Variants in PPP1R9B observed in about 807,000 individuals in gnomAD.
PPP1R9B encodes the protein protein phosphatase 1 regulatory subunit 9B.
PPP1R9B carries 17 observed loss-of-function variants against 75.8 expected under a neutral mutation model. The ratio of observed to expected loss-of-function variants is 0.22; its 90% CI spans 0.15 to 0.34. The LOEUF (loss-of-function observed/expected upper bound fraction) is 0.34, where lower values mean the gene tolerates loss of function less well. PPP1R9B is among the 10% of genes least tolerant of loss of function. The pLI, the probability that PPP1R9B is intolerant of heterozygous loss-of-function variation, is 1.00. For synonymous variants in PPP1R9B, 509 were observed against 535.4 expected (o/e 0.95, Z 0.68); for missense variants, 875 against 1,196.0 (o/e 0.73, Z 3.96).
chr17:50,149,860 G>A lies in PPP1R9B; in HGVS notation c.654C>T (p.Ala218=). The A allele has an allele frequency of 1.3e-6, 2 of 1,490,860 alleles. No individual in the cohort carries two copies. Among genetic ancestry groups the A allele is most frequent in the Non-Finnish European group, 8.9e-7 (1 of 1,126,380 alleles). The allele number at this position is 1,490,860 out of a possible 1,614,324, so 92.4% of individuals were successfully genotyped here. A position where few individuals can be genotyped will look rare whatever the true frequency, so the allele number is the denominator to read the frequency against. ...CGCGGTGGAGGCCGGTCCTCGAGTC[G>A]GCCTTCTCGAAGACGGCGCTGAGCT... ...VSQLSAVFEK[A]DSRTGLHRGP... is the part of the protein sequence containing the mutation. Residue 218 remains alanine, a synonymous_variant, in exon 1 of 10, where the codon GCC becomes GCT. Transcript: ENST00000612501. This position sits in a 1 kb window ranked among gnomAD's most constrained non-coding sequence, Gnocchi z 7.2.
intron 4 of PPP1R9B, among the ~76,000 whole-genome samples, 187 bp downstream of exon 4, chr17:50,141,082 G>A (rs1468700714): frequency 2.0e-5 from 3 of 152,166 alleles, no homozygotes; most frequent in African/African-American, 4.8e-5. Context: ...TGTTGCCAGG[G>A]AGCTGGGATG....
At position 50,149,929 on chromosome 17, in the gene PPP1R9B, C is replaced by T; in HGVS notation, c.585G>A (p.Ala195=). 1 of 1,511,342 alleles carries T rather than the reference C, an allele frequency of 6.6e-7. No homozygotes were observed. The highest frequency in any genetic ancestry group is 8.8e-7 in the Non-Finnish European group (1 of 1,137,234). 93.6% of individuals were successfully genotyped at this position (1,511,342 alleles called of 1,614,324 possible). The change falls in exon 1 of 10, where the codon GCG becomes GCA. Residue 195 remains alanine (A), a synonymous_variant. Transcript: ENST00000612501. The surrounding 1 kb of genome is among the most constrained non-coding windows in gnomAD (Gnocchi z 7.2). ...CGGCGTCAGCGTCCAGCTTGTCCAG[C>T]GCCTCGGTGCTGCCGTTGAAGCGCA... ...VVVRFNGSTE[A]LDKLDADAVS... is the part of the protein sequence containing the mutation.
intron 7 of PPP1R9B, among the ~76,000 whole-genome samples, chr17:50,136,725 C>T (rs1367634121): frequency 2.0e-5 from 3 of 152,160 alleles, no homozygotes; most frequent in Non-Finnish European, 4.4e-5. Flanking sequence ...TCCAGTCCCC[C>T]ACAGCTCAGT....
At position 50,150,202 on chromosome 17, in the gene PPP1R9B, G is replaced by T. The variant is rs774800654; in HGVS notation, c.312C>A (p.Asn104Lys). Residue 104 changes from asparagine (N) to lysine (K), a missense_variant, in exon 1 of 10, where the codon AAC becomes AAA. Physicochemically the swap from Asn to Lys is moderately conservative, Grantham distance 94. This residue lies in a region of PPP1R9B where 145 missense variants were observed against 226.1 expected (regional missense o/e 0.64). Transcript: ENST00000612501. This position sits in a 1 kb window ranked among gnomAD's most constrained non-coding sequence, Gnocchi z 8.7. Reference protein sequence around the residue: ...SLPRASSLNENVDHSALLKLG... With the variant: ...SLPRASSLNEKVDHSALLKLG... ...GCTTCAGCAGGGCGCTGTGGTCCAC[G>T]TTCTCGTTCAGGCTGCTGGCCCGCG... is the stretch of plus-strand genomic sequence containing the variant. The T allele has an allele frequency of 2.1e-6, 3 of 1,460,676 alleles. No homozygotes were observed. The highest frequency in any genetic ancestry group is 2.7e-6 in the Non-Finnish European group (3 of 1,105,982). 90.5% of individuals were successfully genotyped at this position (1,460,676 alleles called of 1,614,324 possible). A position where few individuals can be genotyped will look rare whatever the true frequency, so the allele number is the denominator to read the frequency against.
rs1310505615 is a variant in PPP1R9B at position 50,134,242 on chromosome 17, G to T, written c.*1089C>A. On this transcript the variant is annotated 3_prime_UTR_variant, in exon 10 of 10. Coordinates refer to ENST00000612501, the MANE Select transcript of PPP1R9B (RefSeq NM_032595.5). Reference sequence around the variant, plus strand: ...AAACAGAGTCGATTTCACTTAGAAGGCAGGCTGCCAGCAGGGCAGCCCTGG... The same window carrying T: ...AAACAGAGTCGATTTCACTTAGAAGTCAGGCTGCCAGCAGGGCAGCCCTGG... 6.6e-6 allele frequency: 1 copy of T among 152,628 alleles called. No individual in the cohort carries two copies. The highest frequency in any genetic ancestry group is 1.5e-5 in the Non-Finnish European group (1 of 68,040). The allele number at this position is 152,628 out of a possible 1,614,324, so 9.5% of individuals were successfully genotyped here. A position where few individuals can be genotyped will look rare whatever the true frequency, so the allele number is the denominator to read the frequency against.
chr17:50,143,881 G>C (rs1388010924), intron 2 of PPP1R9B, among the ~76,000 whole-genome samples, 163 bp from the exon 3 acceptor site: 5 of 152,234 alleles, frequency 3.3e-5, no homozygotes, highest in Admixed American at 2.0e-4. Context: ...TCTTTGCCAA[G>C]TCTACTAGGA....
rs573405370 is a variant in PPP1R9B at position 50,143,334 on chromosome 17, C to T, written c.1625+264G>A. Among the ~76,000 whole-genome samples the T allele has an allele frequency of 4.7e-4, 71 of 152,362 alleles. 1 individual carries two copies. The highest frequency in any genetic ancestry group is 1.2e-3 in the South Asian group (6 of 4,834). The stretch of plus-strand genomic sequence containing the variant: ...ACTCCAGACCGGGATGCACAACACA[C>T]GCCTATAGCCCCCATGGTCACCAGC... On this transcript the variant is annotated intron_variant, in intron 3 of 9. Coordinates refer to ENST00000612501, the MANE Select transcript of PPP1R9B (RefSeq NM_032595.5).
Position 50,142,526 on chromosome 17 carries a change from A to G in PPP1R9B, c.1625+1072T>C, listed in dbSNP as rs562247933. 3.2e-4 allele frequency among the ~76,000 whole-genome samples: 49 copies of G among 152,268 alleles called. No homozygotes were observed. Among genetic ancestry groups the G allele is most frequent in the African/African-American group, 1.1e-3 (45 of 41,548 alleles). ...CCACAACAGGTAGAAGCCCCTTGAC[A>G]GGGCAGCCCCATCTCTAGAAACAAG... On this transcript the variant is annotated intron_variant, in intron 3 of 9. Coordinates refer to ENST00000612501, the MANE Select transcript of PPP1R9B (RefSeq NM_032595.5). The surrounding 1 kb of genome is among the most constrained non-coding windows in gnomAD (Gnocchi z 4.1).
At position 50,134,768 on chromosome 17, in the gene PPP1R9B, G is replaced by T. The variant is rs934845972; in HGVS notation, c.*563C>A. The T allele has an allele frequency of 5.0e-5, 8 of 160,944 alleles. No homozygotes were observed. In the East Asian group the frequency reaches 1.5e-3, roughly 29 times the overall value. The allele number at this position is 160,944 out of a possible 1,614,324, so 10.0% of individuals were successfully genotyped here. ...CTGGGGTGGACTCTATCCCTCCCAGGACAGGGAACAGGGATGGGGGAGGTG... is the reference window on the plus strand; with the variant it reads ...CTGGGGTGGACTCTATCCCTCCCAGTACAGGGAACAGGGATGGGGGAGGTG... On this transcript the variant is annotated 3_prime_UTR_variant, in exon 10 of 10. Transcript: ENST00000612501.
At chr17:50,144,538 A>G (rs917769687) in intron 2 of PPP1R9B, among the ~76,000 whole-genome samples, 1 of 152,102 alleles carries the variant, frequency 6.6e-6, no homozygotes, top group Non-Finnish European at 1.5e-5. Flanking sequence ...GCAAGGCCTC[A>G]TTTGCATGCT....
chr17:50,147,842 G>A (rs1196248336), intron 1 of PPP1R9B, among the ~76,000 whole-genome samples: 1 of 152,166 alleles, frequency 6.6e-6, no homozygotes, highest in African/African-American at 2.4e-5. Flanking sequence ...TTGCTGGGGT[G>A]GGAGGTGGGA....
rs1202102576 is a variant in PPP1R9B at position 50,149,115 on chromosome 17, CGGGGGCAGGGCGG to C, written c.1371+15_1371+27del. 4 of 1,146,742 alleles carry C rather than the reference CGGGGGCAGGGCGG, an allele frequency of 3.5e-6. No individual in the cohort carries two copies. The highest frequency in any genetic ancestry group is 2.1e-5 in the African/African-American group (1 of 47,786). 71.0% of individuals were successfully genotyped at this position (1,146,742 alleles called of 1,614,324 possible). On this transcript the variant is annotated intron_variant, in intron 1 of 9. Transcript: ENST00000612501. The surrounding 1 kb of genome is among the most constrained non-coding windows in gnomAD (Gnocchi z 7.2). ...CCGCGTGCACGTGGCAGGGGCGGCGCGGGGGCAGGGCGGGGGGGCTCACTTACTTGGATGGGCG... is the reference window on the plus strand; with the variant it reads ...CCGCGTGCACGTGGCAGGGGCGGCGCGGGGGCTCACTTACTTGGATGGGCG...
At chr17:50,145,535 G>A (rs140199142) in intron 1 of PPP1R9B, among the ~76,000 whole-genome samples, 116 of 152,270 alleles carry the variant, frequency 7.6e-4, no homozygotes, top group Non-Finnish European at 1.3e-3. Flanking sequence ...GCACAGAAGG[G>A]GAATCCTGGA....
At position 50,150,373 on chromosome 17, in the gene PPP1R9B, G is replaced by A. The variant is rs1912664247; in HGVS notation, c.141C>T (p.His47=). ...GGTGGACGTTGGAGCCATATTTCTT[G>A]TGGTGGGCCCCCTTGGGTGCCTCGT... ...GPDEAPKGAH[H]KKYGSNVHRI... Residue 47 remains histidine (H), a synonymous_variant, in exon 1 of 10, where the codon CAC becomes CAT. Transcript: ENST00000612501. This position sits in a 1 kb window ranked among gnomAD's most constrained non-coding sequence, Gnocchi z 8.7. 7.0e-7 allele frequency: 1 copy of A among 1,420,154 alleles called. No individual in the cohort carries two copies. The highest frequency in any genetic ancestry group is 1.5e-5 in the South Asian group (1 of 66,990). The allele number at this position is 1,420,154 out of a possible 1,614,324, so 88.0% of individuals were successfully genotyped here.
At chr17:50,137,650 G>A (rs2144441409) in intron 7 of PPP1R9B, among the ~76,000 whole-genome samples, 1 of 152,170 alleles carries the variant, frequency 6.6e-6, no homozygotes, top group Admixed American at 6.5e-5. Context: ...CCACTTTCAT[G>A]CCCTCCCACT....
At chr17:50,137,803 C>T (rs1912267791) in intron 7 of PPP1R9B, among the ~76,000 whole-genome samples, 1 of 152,214 alleles carries the variant, frequency 6.6e-6, no homozygotes, top group South Asian at 2.1e-4. Flanking sequence ...TCCACCTCTC[C>T]CCGACAGGCA....
intron 7 of PPP1R9B, among the ~76,000 whole-genome samples, chr17:50,138,355 C>G (rs1912284225): frequency 6.6e-6 from 1 of 152,156 alleles, no homozygotes. Context: ...TCTGCATATC[C>G]AGGCTGATAG....
Position 50,150,211 on chromosome 17 carries a change from C to A in PPP1R9B, c.303G>T (p.Leu101=). 1 of 1,457,852 alleles carries A rather than the reference C, an allele frequency of 6.9e-7. No homozygotes were observed. The highest frequency in any genetic ancestry group is 9.1e-7 in the Non-Finnish European group (1 of 1,103,136). 90.3% of individuals were successfully genotyped at this position (1,457,852 alleles called of 1,614,324 possible). ...GGGCGCTGTGGTCCACGTTCTCGTTCAGGCTGCTGGCCCGCGGCAGCGACA... is the reference window on the plus strand; with the variant it reads ...GGGCGCTGTGGTCCACGTTCTCGTTAAGGCTGCTGGCCCGCGGCAGCGACA... The part of the protein sequence containing the change: ...VRLSLPRASS[L]NENVDHSALL... Residue 101 remains leucine, a synonymous_variant, in exon 1 of 10, where the codon CTG becomes CTT. Coordinates refer to ENST00000612501, the MANE Select transcript of PPP1R9B (RefSeq NM_032595.5). The surrounding 1 kb of genome is among the most constrained non-coding windows in gnomAD (Gnocchi z 8.7).
Position 50,142,846 on chromosome 17 carries a change from C to T in PPP1R9B, c.1625+752G>A, listed in dbSNP as rs555163558. ...CAATACAGGCACACACACTCACATG[C>T]GCAAAGACAGCCTGTCTCCAGAGCC... On this transcript the variant is annotated intron_variant, in intron 3 of 9. Transcript: ENST00000612501. This position sits in a 1 kb window ranked among gnomAD's most constrained non-coding sequence, Gnocchi z 4.1. Among the ~76,000 whole-genome samples the T allele has an allele frequency of 7.9e-5, 12 of 152,282 alleles. No homozygotes were observed. The East Asian group carries it at 1.7e-3, about 22-fold the overall frequency.
Sources: allele counts gnomAD v4.1 joint callset (sites outside exome capture counted in the v4.1 genomes callset), GRCh38; gene constraint gnomAD v4.1.1; regional missense constraint gnomAD v4.1.1; non-coding constraint Gnocchi (gnomAD v3.1); transcripts MANE v1.5; gene names NCBI Gene and HGNC (gene_info 2026-07-23, HGNC 2026-07-21).